NECAB2: variants seen among roughly 807,000 people sequenced by gnomAD.
The protein encoded by NECAB2 is N-terminal EF-hand calcium-binding protein 2.
In NECAB2, 68 loss-of-function variants were observed where a neutral mutation model predicts 51.9. The observed-to-expected ratio is 1.31, with a 90% CI of 1.08 to 1.60. The LOEUF is 1.60. Among genes scored for constraint, NECAB2 ranks in the 40% most tolerant of loss-of-function variants. The pLI is 0.00. For missense variants in NECAB2, 854 were observed against 490.3 expected, an observed-to-expected ratio of 1.74 and a Z score of -7.00; for synonymous variants, 329 against 203.5, an observed-to-expected ratio of 1.62 and a Z score of -5.25.
intron 11 of NECAB2, 58 bp downstream of exon 11, chr16:84,000,859 C>A: frequency 1.9e-6 from 3 of 1,555,872 alleles, no homozygotes; most frequent in Non-Finnish European, 2.7e-6. Flanking sequence ...GGGGGGCTGT[C>A]TTCCTGGAGC....
intron 5 of NECAB2, 113 bp downstream of exon 5, chr16:83,981,240 A>C (rs901825450): frequency 1.1e-6 from 1 of 926,936 alleles, no homozygotes; most frequent in African/African-American, 1.7e-5. Flanking sequence ...GGCCTATCTC[A>C]GGGGTGGGCT....
chr16:83,970,357 A>G (rs989553385), intron 1 of NECAB2, among the ~76,000 whole-genome samples: 8 of 152,194 alleles, frequency 5.3e-5, no homozygotes, highest in African/African-American at 1.9e-4. Flanking sequence ...ACACCCAGAT[A>G]GGGACCCCAG....
intron 5 of NECAB2, among the ~76,000 whole-genome samples, chr16:83,987,641 T>G (rs1011985863): frequency 1.3e-5 from 2 of 152,250 alleles, no homozygotes; most frequent in African/African-American, 4.8e-5. Flanking sequence ...CTAAAACTTT[T>G]CAAAAGCATC....
chr16:83,972,461 T>A (rs1597193929), intron 2 of NECAB2, among the ~76,000 whole-genome samples: 1 of 152,272 alleles, frequency 6.6e-6, no homozygotes, highest in South Asian at 2.1e-4. Flanking sequence ...AAGGGCTGGG[T>A]GTACTTTAGG....
chr16:83,988,109 C>G (rs1481051552), intron 5 of NECAB2, among the ~76,000 whole-genome samples: 1 of 152,206 alleles, frequency 6.6e-6, no homozygotes, highest in Non-Finnish European at 1.5e-5. Flanking sequence ...GTCCTTTGTG[C>G]TGCTTTGGTT....
At chr16:83,997,910 C>A (rs1022269651) in intron 9 of NECAB2, among the ~76,000 whole-genome samples, 3 of 152,134 alleles carry the variant, frequency 2.0e-5, no homozygotes, top group Non-Finnish European at 4.4e-5. Flanking sequence ...AGTGGATGTG[C>A]TGTGTCTCCA....
In NECAB2 at chr16:84,002,428, TTGGTGCAGAAGCTTC is replaced by T; in HGVS notation, c.*84_*98del. The T allele has an allele frequency of 6.6e-7, 1 of 1,516,624 alleles. No homozygotes were observed. The highest frequency in any genetic ancestry group is 9.1e-7 in the Non-Finnish European group (1 of 1,094,560). The allele number at this position is 1,516,624 out of a possible 1,614,324, so 93.9% of individuals were successfully genotyped here. On this transcript the variant is annotated 3_prime_UTR_variant, in exon 13 of 13. Coordinates refer to ENST00000305202, the MANE Select transcript of NECAB2 (RefSeq NM_019065.3). ...TCCCGTTTTTTTCTAGACAGACACT[TTGGTGCAGAAGCTTC>T]TTTTCAATCCATCCTCCACAAGAAG...
intron 2 of NECAB2, among the ~76,000 whole-genome samples, chr16:83,972,380 A>G (rs1203153047): frequency 2.6e-5 from 4 of 152,224 alleles, no homozygotes; most frequent in African/African-American, 9.6e-5. Flanking sequence ...GGGCCTACTT[A>G]GTAGGGACAG....
At chr16:83,987,677 T>A (rs1031351442) in intron 5 of NECAB2, among the ~76,000 whole-genome samples, 2 of 152,220 alleles carry the variant, frequency 1.3e-5, no homozygotes, top group African/African-American at 4.8e-5. Context: ...GTGTACTTAT[T>A]TTTCCTCTTT....
At chr16:83,970,918 C>G (rs776319324) in intron 1 of NECAB2, among the ~76,000 whole-genome samples, 7 of 152,140 alleles carry the variant, frequency 4.6e-5, no homozygotes, top group African/African-American at 1.7e-4. Context: ...CAAGGTGAAA[C>G]CTCGTCTCTA....
At chr16:84,000,646 A>C (rs1410998213) in intron 10 of NECAB2, 78 bp from the exon 11 acceptor site, 75 of 1,287,982 alleles carry the variant, frequency 5.8e-5, no homozygotes, top group Non-Finnish European at 7.8e-5. Flanking sequence ...GGTGGGTCTC[A>C]GGCCACCCCA....
At chr16:83,998,909 G>A (rs780996022) in intron 10 of NECAB2, among the ~76,000 whole-genome samples, 3 of 152,206 alleles carry the variant, frequency 2.0e-5, no homozygotes, top group Non-Finnish European at 2.9e-5. Flanking sequence ...TAAGGCATGT[G>A]GCCAGGGCCA....
intron 5 of NECAB2, among the ~76,000 whole-genome samples, chr16:83,982,686 A>C (rs185790988): frequency 6.6e-6 from 1 of 152,176 alleles, no homozygotes; most frequent in African/African-American, 2.4e-5. Flanking sequence ...TTTCAGGAAC[A>C]TAAGAGAGTT....
chr16:83,966,315 A>C, upstream of NECAB2: 6 of 419,228 alleles, frequency 1.4e-5, no homozygotes, highest in East Asian at 7.8e-5. Context: ...GTCCCAAATA[A>C]AGCCAGTGCC....
intron 9 of NECAB2, 28 bp from the exon 10 acceptor site, chr16:83,998,177 C>T (rs777928717): frequency 4.2e-5 from 67 of 1,597,710 alleles, no homozygotes; most frequent in Non-Finnish European, 5.3e-5. Flanking sequence ...ACGTGGAGCC[C>T]CACACTGACT....
Position 84,002,009 on chromosome 16 carries a change from T to G in NECAB2, c.1132+93T>G, listed in dbSNP as rs937151401. The G allele has an allele frequency of 2.9e-6, 4 of 1,392,350 alleles. No homozygotes were observed. In the South Asian group the frequency reaches 4.9e-5, roughly 17 times the overall value. 86.2% of individuals were successfully genotyped at this position (1,392,350 alleles called of 1,614,324 possible). A position where few individuals can be genotyped will look rare whatever the true frequency, so the allele number is the denominator to read the frequency against. ...GCCCCATATCTCCCGGGGACTTGCCTGCTTGCTGTGGGCCCACTGTCAGCT... is the reference window on the plus strand; with the variant it reads ...GCCCCATATCTCCCGGGGACTTGCCGGCTTGCTGTGGGCCCACTGTCAGCT... On this transcript the variant is annotated intron_variant, in intron 12 of 12. Transcript: ENST00000305202.
rs573695454 is a variant in NECAB2 at position 83,995,462 on chromosome 16, G to A, written c.795+774G>A. 4.6e-5 allele frequency among the ~76,000 whole-genome samples: 7 copies of A among 152,202 alleles called. No individual in the cohort carries two copies. In the South Asian group the frequency reaches 1.2e-3, roughly 27 times the overall value. On this transcript the variant is annotated intron_variant, in intron 8 of 12. Coordinates refer to ENST00000305202, the MANE Select transcript of NECAB2 (RefSeq NM_019065.3). ...TAGGATGAACCAAAATGATGTCTCC[G>A]GTTTAGCACAGGGCCCGGTGCTGTA...
chr16:83,999,081 G>C (rs930277411), intron 10 of NECAB2, among the ~76,000 whole-genome samples: 1 of 152,198 alleles, frequency 6.6e-6, no homozygotes, highest in Admixed American at 6.5e-5. Flanking sequence ...ACATGGCTGT[G>C]AACCAGGCAG....
intron 5 of NECAB2, among the ~76,000 whole-genome samples, chr16:83,987,912 T>C (rs1282569940): frequency 6.6e-6 from 1 of 152,220 alleles, no homozygotes; most frequent in Admixed American, 6.5e-5. Context: ...ATAGCTATAT[T>C]CTGTGTCAGT....
Sources: gnomAD v4.1 joint callset for allele counts (sites outside exome capture counted in the v4.1 genomes callset) on GRCh38, gnomAD v4.1.1 for gene constraint, MANE v1.5 for transcripts, NCBI Gene and HGNC (gene_info 2026-07-23, HGNC 2026-07-21) for gene names.